The following TTC33 variants were observed in gnomAD, a reference collection of about 807,000 sequenced individuals.
TTC33 encodes tetratricopeptide repeat domain 33.
Under a neutral mutation model 29.4 loss-of-function variants are expected in TTC33, and 24 were observed. That is an observed-to-expected ratio of 0.82 (90% CI 0.59 to 1.15). TTC33 has a LOEUF of 1.15. Among genes scored for constraint, TTC33 ranks in the 50% most tolerant of loss-of-function variants. The probability of loss-of-function intolerance (pLI) is 0.00; values close to 1 mark genes in which losing one functional copy is unlikely to be tolerated. For missense variants in TTC33, 286 were observed against 310.4 expected (o/e 0.92, Z 0.59); for synonymous variants, 107 against 100.3 (o/e 1.07, Z -0.40).
At chr5:40,751,604 T>C (rs184353546) in intron 1 of TTC33, among the ~76,000 whole-genome samples, 2 of 152,338 alleles carry the variant, frequency 1.3e-5, no homozygotes, top group Admixed American at 1.3e-4. Flanking sequence ...CATTGACTTC[T>C]CTGCAGCTAT....
intron 1 of TTC33, 44 bp from the exon 2 acceptor site, chr5:40,747,063 T>A: frequency 1.8e-5 from 7 of 388,712 alleles, no homozygotes; most frequent in Non-Finnish European, 2.8e-5. Context: ...TAACTTGATC[T>A]TTTTTTTTTT....
chr5:40,727,264 G>C (rs1742309317), intron 4 of TTC33, among the ~76,000 whole-genome samples: 1 of 152,086 alleles, frequency 6.6e-6, no homozygotes, highest in Non-Finnish European at 1.5e-5. Context: ...ATTTTGAACT[G>C]TAAAAAATAA....
rs139714602 is a variant in TTC33, at chr5:40,737,087, G to A, written c.222-6744C>T. Among the ~76,000 whole-genome samples, 1,449 of 152,226 alleles carry A rather than the reference G, an allele frequency of 9.5e-3. 26 individuals are homozygous for A. Among genetic ancestry groups the A allele is most frequent in the African/African-American group, 0.033 (1,360 of 41,522 alleles). ...AAGGCAGGAAGATCGCCTGAGCCCA[G>A]GAGTTCAAGATCAGCCTGGGCAACA... On this transcript the variant is annotated intron_variant, in intron 2 of 4. Transcript: ENST00000337702.
intron 4 of TTC33, among the ~76,000 whole-genome samples, chr5:40,716,868 T>C (rs531233164): frequency 6.6e-6 from 1 of 152,336 alleles, no homozygotes; most frequent in South Asian, 2.1e-4. Context: ...ATCTTTGAAG[T>C]TAACAGTTTA....
intron 4 of TTC33, among the ~76,000 whole-genome samples, chr5:40,727,366 T>C (rs186518839): frequency 6.6e-6 from 1 of 152,338 alleles, no homozygotes; most frequent in East Asian, 1.9e-4. Flanking sequence ...AAGTTAAATT[T>C]CGTTAGCTAT....
intron 1 of TTC33, among the ~76,000 whole-genome samples, chr5:40,751,145 C>T (rs533764545): frequency 4.6e-5 from 7 of 152,330 alleles, no homozygotes; most frequent in African/African-American, 7.2e-5. Context: ...TCAGAAGAAT[C>T]ACTATCTATG....
At chr5:40,753,955 T>G (rs1311218064) in intron 1 of TTC33, among the ~76,000 whole-genome samples, 1 of 150,072 alleles carries the variant, frequency 6.7e-6, no homozygotes, top group Admixed American at 6.6e-5. Context: ...GTAGATTACA[T>G]GAGGGGCTGT....
intron 2 of TTC33, among the ~76,000 whole-genome samples, chr5:40,741,423 C>T (rs1742692870): frequency 1.3e-5 from 2 of 152,194 alleles, no homozygotes; most frequent in South Asian, 4.1e-4. Context: ...AATGGTTCAG[C>T]TTACAACTTC....
chr5:40,723,512 TAAAAAAA>T (rs34823449), intron 4 of TTC33, among the ~76,000 whole-genome samples: 1 of 143,708 alleles, frequency 7.0e-6, no homozygotes, highest in Non-Finnish European at 1.5e-5. Flanking sequence ...TAACTCAAAT[TAAAAAAA>T]AAAAAAAAAG....
At position 40,715,843 on chromosome 5, in the gene TTC33, A is replaced by C. The variant is rs1741985440; in HGVS notation, c.*302T>G. 3.9e-6 allele frequency: 1 copy of C among 258,468 alleles called. No homozygotes were observed. Among genetic ancestry groups the C allele is most frequent in the Non-Finnish European group, 7.3e-6 (1 of 137,574 alleles). 16.0% of individuals were successfully genotyped at this position (258,468 alleles called of 1,614,324 possible). A position where few individuals can be genotyped will look rare whatever the true frequency, so the allele number is the denominator to read the frequency against. On this transcript the variant is annotated 3_prime_UTR_variant, in exon 5 of 5. Transcript: ENST00000337702. The stretch of plus-strand genomic sequence containing the variant: ...TTGATCAAATTATTCACTATTCAAG[A>C]ATACATTTTTCAAGTTTTGTCTTTA...
chr5:40,724,317 C>G (rs1422852723), intron 4 of TTC33, among the ~76,000 whole-genome samples: 3 of 152,114 alleles, frequency 2.0e-5, no homozygotes, highest in African/African-American at 7.2e-5. Flanking sequence ...ATCTCTAAAA[C>G]AGGCAAATTC....
chr5:40,716,209 G>A lies in TTC33; in HGVS notation c.725C>T (p.Thr242Ile). 6.2e-7 allele frequency: 1 copy of A among 1,614,148 alleles called. No individual in the cohort carries two copies. The highest frequency in any genetic ancestry group is 8.5e-7 in the Non-Finnish European group (1 of 1,180,018). Residue 242 changes from threonine (T) to isoleucine (I), a missense_variant, in exon 5 of 5, where the codon ACT becomes ATT. By Grantham distance (89) the Thr-to-Ile change is moderately conservative (BLOSUM62 -1). Coordinates refer to ENST00000337702, the MANE Select transcript of TTC33 (RefSeq NM_012382.3). Reference protein sequence around the residue: ...VIVSASGAIETVTEKEDGATP... With the variant: ...VIVSASGAIEIVTEKEDGATP... Reference sequence around the variant, plus strand: ...AGCACCATCCTCCTTTTCAGTTACAGTCTCTATGGCCCCAGAAGCAGACAC... The same window carrying A: ...AGCACCATCCTCCTTTTCAGTTACAATCTCTATGGCCCCAGAAGCAGACAC...
chr5:40,754,290 G>C (rs1742946695), intron 1 of TTC33, among the ~76,000 whole-genome samples: 1 of 152,158 alleles, frequency 6.6e-6, no homozygotes, highest in Non-Finnish European at 1.5e-5. Flanking sequence ...AGTTTAACCT[G>C]AAAGAGGGAG....
Position 40,755,805 on chromosome 5 carries a change from A to T in TTC33, c.-2+19T>A, listed in dbSNP as rs1053030393. The T allele has an allele frequency of 1.3e-5, 2 of 152,558 alleles. No individual in the cohort carries two copies. The highest frequency in any genetic ancestry group is 4.8e-5 in the African/African-American group (2 of 41,464). The allele number at this position is 152,558 out of a possible 1,614,324, so 9.5% of individuals were successfully genotyped here. On this transcript the variant is annotated intron_variant, in intron 1 of 4. Coordinates refer to ENST00000337702, the MANE Select transcript of TTC33 (RefSeq NM_012382.3). ...TTCTTTCCCACTGGAAGCAGAAATTATCACGCCCAAATTCCTACCTGCCTT... is the reference window on the plus strand; with the variant it reads ...TTCTTTCCCACTGGAAGCAGAAATTTTCACGCCCAAATTCCTACCTGCCTT...
chr5:40,750,377 G>A (rs906533648), intron 1 of TTC33, among the ~76,000 whole-genome samples: 4 of 152,044 alleles, frequency 2.6e-5, no homozygotes, highest in South Asian at 2.1e-4. Context: ...TGAGACCAGC[G>A]AAATCTCATC....
chr5:40,719,139 C>T lies in TTC33; in HGVS notation c.436-2641G>A, dbSNP rs192709720. Among the ~76,000 whole-genome samples, 804 of 152,274 alleles carry T rather than the reference C, an allele frequency of 5.3e-3. 8 individuals carry two copies. The highest frequency in any genetic ancestry group is 0.018 in the African/African-American group (761 of 41,564). ...ATACAATTCAATATTCACAGTCACACAGCCATCACCCATAATCAATTCTAG... is the reference window on the plus strand; with the variant it reads ...ATACAATTCAATATTCACAGTCACATAGCCATCACCCATAATCAATTCTAG... On this transcript the variant is annotated intron_variant, in intron 4 of 4. Coordinates refer to ENST00000337702, the MANE Select transcript of TTC33 (RefSeq NM_012382.3).
Position 40,714,870 on chromosome 5 carries a change from AAATT to A in TTC33, c.*1271_*1274del, listed in dbSNP as rs1288494582. The A allele has an allele frequency of 6.6e-6, 1 of 152,254 alleles. No individual in the cohort carries two copies. Among genetic ancestry groups the A allele is most frequent in the Non-Finnish European group, 1.5e-5 (1 of 67,956 alleles). 9.4% of individuals were successfully genotyped at this position (152,254 alleles called of 1,614,324 possible). A position where few individuals can be genotyped will look rare whatever the true frequency, so the allele number is the denominator to read the frequency against. On this transcript the variant is annotated 3_prime_UTR_variant, in exon 5 of 5. Coordinates refer to ENST00000337702, the MANE Select transcript of TTC33 (RefSeq NM_012382.3). ...GCTACTTTCATCTCTAACAAAGATA[AAATT>A]AATACACCAATAGTATCTTCCTGAG...
At chr5:40,750,567 A>G (rs1164761450) in intron 1 of TTC33, among the ~76,000 whole-genome samples, 1 of 147,084 alleles carries the variant, frequency 6.8e-6, no homozygotes, top group Non-Finnish European at 1.5e-5. Flanking sequence ...CTTTGTCTCC[A>G]AAAAAAAAAC....
chr5:40,755,063 C>G (rs540608171), intron 1 of TTC33, among the ~76,000 whole-genome samples: 1 of 152,168 alleles, frequency 6.6e-6, no homozygotes, highest in Non-Finnish European at 1.5e-5. Context: ...CAGACAAATT[C>G]AACCTTTTAT....
Sources: gnomAD v4.1 joint callset for allele counts (sites outside exome capture counted in the v4.1 genomes callset) on GRCh38, gnomAD v4.1.1 for gene constraint, MANE v1.5 for transcripts, NCBI Gene and HGNC (gene_info 2026-07-23, HGNC 2026-07-21) for gene names.